YAP1: variants seen among roughly 807,000 people sequenced by gnomAD.
The protein encoded by YAP1 is Yes1 associated transcriptional regulator.
In YAP1, 5 loss-of-function variants were observed where a neutral mutation model predicts 56.9. The observed-to-expected ratio is 0.09, with a 90% confidence interval of 0.05 to 0.18. The LOEUF is 0.18. YAP1 is among the 10% of genes least tolerant of loss of function. YAP1 has a pLI of 1.00. For missense variants in YAP1, 539 were observed against 651.8 expected, an observed-to-expected ratio of 0.83 and a Z score of 1.88; for synonymous variants, 265 against 248.1, an observed-to-expected ratio of 1.07 and a Z score of -0.64.
In YAP1 at chr11:102,129,888, C is replaced by T. The variant is rs182183997; in HGVS notation, c.572+15494C>T. Among the ~76,000 whole-genome samples the T allele has an allele frequency of 3.4e-4, 52 of 151,058 alleles. 1 individual carries two copies. The highest frequency in any genetic ancestry group is 2.7e-3 in the Admixed American group (41 of 15,186). Reference sequence around the variant, plus strand: ...CACTATCTCAGCTCACTGCAACCTCCGCCTCCGCCTCCTGGGTTCAAGTGA... The same window carrying T: ...CACTATCTCAGCTCACTGCAACCTCTGCCTCCGCCTCCTGGGTTCAAGTGA... On this transcript the variant is annotated intron_variant, in intron 2 of 8. Transcript: ENST00000282441.
intron 6 of YAP1, among the ~76,000 whole-genome samples, chr11:102,214,483 C>T (rs1949566448): frequency 6.6e-6 from 1 of 152,066 alleles, no homozygotes; most frequent in Admixed American, 6.5e-5. Context: ...AAAACAATTG[C>T]CAACAACCAT....
At chr11:102,184,925 T>C (rs1224657405) in intron 3 of YAP1, among the ~76,000 whole-genome samples, 2 of 152,246 alleles carry the variant, frequency 1.3e-5, no homozygotes, top group Non-Finnish European at 1.5e-5. Flanking sequence ...CCTGGCACTT[T>C]GTGCCTCAGT....
At chr11:102,204,309 G>A (rs1383475977) in intron 4 of YAP1, among the ~76,000 whole-genome samples, 2 of 151,884 alleles carry the variant, frequency 1.3e-5, no homozygotes, top group African/African-American at 4.8e-5. Flanking sequence ...TTCTGCCTCA[G>A]TGAGTAACTA....
chr11:102,183,272 G>T (rs1947738027), intron 3 of YAP1, among the ~76,000 whole-genome samples: 1 of 152,184 alleles, frequency 6.6e-6, no homozygotes, highest in Non-Finnish European at 1.5e-5. Context: ...CAAGGAGATG[G>T]CATGATTTTA....
intron 2 of YAP1, among the ~76,000 whole-genome samples, chr11:102,156,922 G>A (rs1030384707): frequency 6.6e-6 from 1 of 152,118 alleles, no homozygotes; most frequent in Non-Finnish European, 1.5e-5. Context: ...TTGTCAACAT[G>A]TTTAAGTTGT....
intron 7 of YAP1, 81 bp downstream of exon 7, chr11:102,223,833 A>G (rs1393891376): frequency 1.3e-6 from 2 of 1,550,276 alleles, no homozygotes. Context: ...GTAATAGGCT[A>G]TTTGGAACAT....
chr11:102,176,107 A>G (rs546313455), intron 3 of YAP1, among the ~76,000 whole-genome samples: 7 of 152,332 alleles, frequency 4.6e-5, no homozygotes, highest in African/African-American at 1.7e-4. Context: ...TTATTTTGAA[A>G]GCCAAAAGTC....
chr11:102,160,732 A>T (rs1317897624), intron 2 of YAP1, among the ~76,000 whole-genome samples: 1 of 152,212 alleles, frequency 6.6e-6, no homozygotes, highest in African/African-American at 2.4e-5. Flanking sequence ...GAATTTGCTT[A>T]ACTTTCACCA....
At chr11:102,146,552 T>C (rs1399293691) in intron 2 of YAP1, among the ~76,000 whole-genome samples, 1 of 152,238 alleles carries the variant, frequency 6.6e-6, no homozygotes, top group African/African-American at 2.4e-5. Flanking sequence ...CTAACTCAAA[T>C]GTGTCACCAT....
At chr11:102,225,149 T>G (rs1950134353) in intron 7 of YAP1, among the ~76,000 whole-genome samples, 1 of 151,104 alleles carries the variant, frequency 6.6e-6, no homozygotes, top group Non-Finnish European at 1.5e-5. Context: ...TTTCTAATAA[T>G]AACATACATC....
rs1950370525 is a variant in YAP1 at position 102,229,712 on chromosome 11, C to A, written c.1287C>A (p.Ile429=). 1.2e-6 allele frequency: 2 copies of A among 1,613,980 alleles called. No homozygotes were observed. Among genetic ancestry groups the A allele is most frequent in the African/African-American group, 2.7e-5 (2 of 75,036 alleles). Reference sequence around the variant, plus strand: ...GTGTGTTTCCACTAGGTGATACTATCAACCAAAGCACCCTGCCCTCACAGC... The same window carrying A: ...GTGTGTTTCCACTAGGTGATACTATAAACCAAAGCACCCTGCCCTCACAGC... ...SVDEMDTGDT[I]NQSTLPSQQN... is the part of the protein sequence containing the mutation. Residue 429 remains isoleucine (I), a synonymous_variant, in exon 9 of 9, where the codon ATC becomes ATA. Transcript: ENST00000282441.
chr11:102,114,018 A>G, intron 1 of YAP1, 126 bp from the exon 2 acceptor site: 1 of 908,936 alleles, frequency 1.1e-6, no homozygotes, highest in South Asian at 2.7e-5. Flanking sequence ...AGTGTCGAAT[A>G]TTAAATGTTG....
chr11:102,183,397 AGAAT>A (rs563184503), intron 3 of YAP1, among the ~76,000 whole-genome samples: 182 of 152,338 alleles, frequency 1.2e-3, no homozygotes, highest in African/African-American at 4.1e-3. Context: ...TTCTTTAGTA[AGAAT>A]GAATGACATG....
chr11:102,220,372 T>G (rs1382264730), intron 6 of YAP1, among the ~76,000 whole-genome samples: 1 of 152,182 alleles, frequency 6.6e-6, no homozygotes, highest in African/African-American at 2.4e-5. Flanking sequence ...CCAAAGACCT[T>G]TAATTTGTAA....
intron 4 of YAP1, among the ~76,000 whole-genome samples, chr11:102,203,704 A>G (rs1948990662): frequency 6.6e-6 from 1 of 152,242 alleles, no homozygotes; most frequent in Non-Finnish European, 1.5e-5. Context: ...ATGTTTGGAA[A>G]CATAAAAATA....
At chr11:102,152,942 A>T (rs995975843) in intron 2 of YAP1, among the ~76,000 whole-genome samples, 3 of 152,244 alleles carry the variant, frequency 2.0e-5, no homozygotes, top group African/African-American at 7.2e-5. Flanking sequence ...CCAAGAGCGG[A>T]CATTTGAGCT....
intron 6 of YAP1, among the ~76,000 whole-genome samples, chr11:102,217,082 A>G (rs946756023): frequency 6.6e-6 from 1 of 152,214 alleles, no homozygotes; most frequent in African/African-American, 2.4e-5. Flanking sequence ...CATAAAAGAA[A>G]ACATGAGTTT....
At chr11:102,160,705 A>G (rs1380864385) in intron 2 of YAP1, among the ~76,000 whole-genome samples, 1 of 151,900 alleles carries the variant, frequency 6.6e-6, no homozygotes, top group Non-Finnish European at 1.5e-5. Context: ...TGGAATTGGC[A>G]GTTGCCAGTA....
intron 3 of YAP1, among the ~76,000 whole-genome samples, chr11:102,173,246 C>A (rs765631568): frequency 9.9e-5 from 15 of 152,068 alleles, no homozygotes; most frequent in Admixed American, 2.6e-4. Flanking sequence ...TACCATATTG[C>A]TAGTGGTAAG....
Sources: gnomAD v4.1 joint callset for allele counts (sites outside exome capture counted in the v4.1 genomes callset) on GRCh38, gnomAD v4.1.1 for gene constraint, MANE v1.5 for transcripts, NCBI Gene and HGNC (gene_info 2026-07-23, HGNC 2026-07-21) for gene names.